CCDC180: variants seen among roughly 807,000 people sequenced by gnomAD.
CCDC180 encodes the protein coiled-coil domain containing 180, also known as coiled-coil domain-containing protein 180.
CCDC180 carries 154 observed loss-of-function variants against 209.2 expected under a neutral mutation model. That is an observed-to-expected ratio of 0.74 (90% CI 0.65 to 0.84). The LOEUF is 0.84. Ranked by LOEUF, CCDC180 falls within the 40% of genes least tolerant of loss-of-function variation. The pLI, the probability that CCDC180 is intolerant of heterozygous loss-of-function variation, is 0.00. For synonymous variants in CCDC180, 778 were observed against 749.1 expected, an observed-to-expected ratio of 1.04 and a Z score of -0.63; for missense variants, 1,874 against 1,997.3, an observed-to-expected ratio of 0.94 and a Z score of 1.18.
chr9:97,313,273 A>G lies in CCDC180; in HGVS notation c.387A>G (p.Gln129=). The change falls in exon 5 of 37, where the codon CAA becomes CAG. Residue 129 remains glutamine, a synonymous_variant. Transcript: ENST00000529487. The part of the protein sequence containing the change: ...EKISTSTFQR[Q]AEHKRKSYES... ...TAAGCACCAGCACCTTTCAAAGGCA[A>G]GCAGAACACAAGAGGAAGAGCTACG... 1.9e-6 allele frequency: 3 copies of G among 1,612,280 alleles called. No individual in the cohort carries two copies. The highest frequency in any genetic ancestry group is 2.5e-6 in the Non-Finnish European group (3 of 1,178,822).
intron 28 of CCDC180, among the ~76,000 whole-genome samples, chr9:97,362,735 C>T (rs1026609152): frequency 2.0e-5 from 3 of 151,696 alleles, no homozygotes; most frequent in Non-Finnish European, 4.4e-5. Flanking sequence ...TGGGCCTTGG[C>T]GCCCTGCCCA....
intron 34 of CCDC180, chr9:97,373,093 C>G (rs920954076): frequency 2.6e-5 from 4 of 152,196 alleles, no homozygotes; most frequent in Admixed American, 2.0e-4. Context: ...TTAAATGAAT[C>G]TGTGTGAGAG....
intron 12 of CCDC180, among the ~76,000 whole-genome samples, chr9:97,323,418 G>A (rs190640681): frequency 1.3e-5 from 2 of 152,160 alleles, no homozygotes; most frequent in Non-Finnish European, 2.9e-5. Flanking sequence ...CAGTAAACTC[G>A]TTCCCAAACC....
At chr9:97,320,447 G>T (rs972841480) in intron 11 of CCDC180, among the ~76,000 whole-genome samples, 3 of 152,140 alleles carry the variant, frequency 2.0e-5, no homozygotes, top group Admixed American at 6.5e-5. Flanking sequence ...ACCCAAGCAT[G>T]GAGACAGAGA....
chr9:97,328,418 A>T (rs1161765777), intron 16 of CCDC180, among the ~76,000 whole-genome samples: 2 of 152,118 alleles, frequency 1.3e-5, no homozygotes, highest in African/African-American at 4.8e-5. Flanking sequence ...CATTTATCAT[A>T]CCTACCACTG....
chr9:97,330,502 T>TG lies in CCDC180; in HGVS notation c.2013dup (p.Gln672AlafsTer10). On this transcript the variant is annotated frameshift_variant, in exon 18 of 37. Coordinates refer to ENST00000529487, the MANE Select transcript of CCDC180 (RefSeq NM_020893.6). LOFTEE classifies it high-confidence loss of function. Reference sequence around the variant, plus strand: ...GAGTCCTTCATAACTGAAGAGGTGCTGGGGCAGCAGAAAAAATCTCCACTG... The same window carrying TG: ...GAGTCCTTCATAACTGAAGAGGTGCTGGGGGCAGCAGAAAAAATCTCCACTG... 6.2e-7 allele frequency: 1 copy of TG among 1,614,078 alleles called. No homozygotes were observed. The highest frequency in any genetic ancestry group is 1.1e-5 in the South Asian group (1 of 91,080).
At chr9:97,349,928 A>G (rs1408963781) in intron 21 of CCDC180, among the ~76,000 whole-genome samples, 2 of 152,158 alleles carry the variant, frequency 1.3e-5, no homozygotes, top group African/African-American at 4.8e-5. Flanking sequence ...GGGGTCAGAC[A>G]CAGCCCATTG....
chr9:97,366,189 G>A lies in CCDC180; in HGVS notation c.4048-370G>A, dbSNP rs1176326802. Among the ~76,000 whole-genome samples the A allele has an allele frequency of 6.6e-6, 1 of 152,258 alleles. No individual in the cohort carries two copies. Among genetic ancestry groups the A allele is most frequent in the Non-Finnish European group, 1.5e-5 (1 of 68,040 alleles). ...CACGGGTCTGTCTGCCTCCTTCAGG[G>A]CAGGGTCCCTGGCTCGCCCGTCTTT... On this transcript the variant is annotated intron_variant, in intron 30 of 36. Transcript: ENST00000529487. The surrounding 1 kb of genome is among the most constrained non-coding windows in gnomAD (Gnocchi z 4.3).
Position 97,337,902 on chromosome 9 carries a change from T to A in CCDC180, c.2275-5438T>A, listed in dbSNP as rs141493593. Among the ~76,000 whole-genome samples the A allele has an allele frequency of 3.8e-3, 580 of 152,320 alleles. 9 individuals are homozygous for A. Among genetic ancestry groups the A allele is most frequent in the East Asian group, 0.017 (90 of 5,190 alleles). ...CCTGGTTTAGTCTTAGAAGGGAGTA[T>A]GTGTCCAGGAATTTATCTATTTCTT... is the stretch of plus-strand genomic sequence containing the variant. On this transcript the variant is annotated intron_variant, in intron 18 of 36. Transcript: ENST00000529487.
chr9:97,319,963 A>G (rs1239201521), intron 10 of CCDC180, among the ~76,000 whole-genome samples, 163 bp from the exon 11 acceptor site: 4 of 152,196 alleles, frequency 2.6e-5, no homozygotes, highest in Admixed American at 2.0e-4. Context: ...AAGACCTTTC[A>G]GCCATGTCAT....
At chr9:97,362,042 C>T (rs965025860) in intron 27 of CCDC180, 144 bp downstream of exon 27, 2 of 1,373,722 alleles carry the variant, frequency 1.5e-6, no homozygotes, top group African/African-American at 1.5e-5. Context: ...AAAGGGCTTC[C>T]CCACCCAGAG....
chr9:97,374,478 G>A (rs767698929), intron 34 of CCDC180, 65 bp from the exon 35 acceptor site: 1,036 of 1,281,918 alleles, frequency 8.1e-4, no homozygotes, highest in Non-Finnish European at 9.5e-4. Flanking sequence ...TGTAATGCCA[G>A]GGGAAATCCC....
At chr9:97,310,305 A>G (rs1056972973) in intron 3 of CCDC180, among the ~76,000 whole-genome samples, 1 of 152,204 alleles carries the variant, frequency 6.6e-6, no homozygotes, top group Non-Finnish European at 1.5e-5. Context: ...GGCAGAACCC[A>G]TGAGACCTAG....
chr9:97,348,970 G>A, intron 20 of CCDC180, 141 bp from the exon 21 acceptor site: 2 of 743,642 alleles, frequency 2.7e-6, no homozygotes, highest in Non-Finnish European at 4.2e-6. Flanking sequence ...GGCAACAGGG[G>A]CAGGACAAGG....
upstream of CCDC180, chr9:97,307,555 A>G (rs576713488): frequency 4.8e-6 from 3 of 629,176 alleles, no homozygotes; most frequent in African/African-American, 5.5e-5. Flanking sequence ...GAATCAGGTT[A>G]CTCTCTCCCT....
intron 22 of CCDC180, among the ~76,000 whole-genome samples, chr9:97,351,025 G>A (rs1564167727): frequency 6.6e-6 from 1 of 152,158 alleles, no homozygotes. Context: ...TCCATTGTGT[G>A]TATATATCAC....
chr9:97,342,149 G>A (rs1046989695), intron 18 of CCDC180, among the ~76,000 whole-genome samples: 6 of 152,214 alleles, frequency 3.9e-5, no homozygotes, highest in Non-Finnish European at 7.3e-5. Context: ...GCGATGCCCC[G>A]CCCTTCTTCG....
chr9:97,363,555 G>T (rs747703630), intron 28 of CCDC180: 1 of 524,188 alleles, frequency 1.9e-6, no homozygotes, highest in Non-Finnish European at 4.0e-6. Flanking sequence ...AAGAGAGGGT[G>T]CCCATCTACA....
intron 12 of CCDC180, 23 bp from the exon 13 acceptor site, chr9:97,323,758 C>T (rs371593951): frequency 5.5e-5 from 85 of 1,550,616 alleles, no homozygotes; most frequent in Non-Finnish European, 7.2e-5. Context: ...AAGCCAGGCT[C>T]TGCCTTGTCC....
Sources: allele counts gnomAD v4.1 joint callset (sites outside exome capture counted in the v4.1 genomes callset), GRCh38; gene constraint gnomAD v4.1.1; non-coding constraint Gnocchi (gnomAD v3.1); transcripts MANE v1.5; gene names NCBI Gene and HGNC (gene_info 2026-07-23, HGNC 2026-07-21).